KCNH5: variants seen among roughly 807,000 people sequenced by gnomAD.
KCNH5 encodes the protein voltage-gated delayed rectifier potassium channel KCNH5.
Under a neutral mutation model 96.1 loss-of-function variants are expected in KCNH5, and 46 were observed. That is an observed-to-expected ratio of 0.48 (90% CI 0.38 to 0.61). The LOEUF (loss-of-function observed/expected upper bound fraction) is 0.61. Among genes scored for constraint, KCNH5 ranks in the 20% least tolerant of loss-of-function variants. The pLI is 0.00. For synonymous variants in KCNH5, 439 were observed against 449.8 expected, an observed-to-expected ratio of 0.98 and a Z score of 0.30; for missense variants, 907 against 1,225.8, an observed-to-expected ratio of 0.74 and a Z score of 3.88.
intron 1 of KCNH5, among the ~76,000 whole-genome samples, chr14:63,020,548 A>C (rs548722598): frequency 6.6e-6 from 1 of 152,268 alleles, no homozygotes; most frequent in East Asian, 1.9e-4. Context: ...TAAAGTAGGT[A>C]TACTGTTTGA....
rs1884361164 is a variant in KCNH5, at chr14:62,702,340, C to T, written c.*5168G>A. The T allele has an allele frequency of 6.6e-6, 1 of 151,980 alleles. No individual in the cohort carries two copies. The highest frequency in any genetic ancestry group is 1.5e-5 in the Non-Finnish European group (1 of 67,898). The allele number at this position is 151,980 out of a possible 1,614,324, so 9.4% of individuals were successfully genotyped here. ...ACATTTACATTCACATTATCGAGTG[C>T]AATTTTTAAGAATTATTTTAAGAAA... is the stretch of plus-strand genomic sequence containing the variant. On this transcript the variant is annotated 3_prime_UTR_variant, in exon 11 of 11. Transcript: ENST00000322893.
At chr14:62,719,544 C>A (rs532451371) in intron 10 of KCNH5, among the ~76,000 whole-genome samples, 1 of 152,170 alleles carries the variant, frequency 6.6e-6, no homozygotes, top group Non-Finnish European at 1.5e-5. Flanking sequence ...ACCACTCCAG[C>A]GCAGCCACAC....
At chr14:62,960,566 T>G (rs1339726025) in intron 6 of KCNH5, among the ~76,000 whole-genome samples, 35 of 152,148 alleles carry the variant, frequency 2.3e-4, no homozygotes, top group Non-Finnish European at 1.5e-5. Context: ...CACAAAACAG[T>G]AATAAGCTCT....
intron 9 of KCNH5, among the ~76,000 whole-genome samples, chr14:62,791,745 C>G (rs932658029): frequency 6.6e-6 from 1 of 151,546 alleles, no homozygotes. Flanking sequence ...TATATATGTA[C>G]CCAACATTGG....
At chr14:62,749,376 G>C (rs1885447399) in intron 10 of KCNH5, among the ~76,000 whole-genome samples, 1 of 152,168 alleles carries the variant, frequency 6.6e-6, no homozygotes, top group Non-Finnish European at 1.5e-5. Flanking sequence ...AGACCCACCT[G>C]TTTATTCCCA....
At chr14:62,935,615 T>C (rs536873857) in intron 7 of KCNH5, among the ~76,000 whole-genome samples, 2 of 152,274 alleles carry the variant, frequency 1.3e-5, no homozygotes, top group South Asian at 4.1e-4. Flanking sequence ...CCTTAGCTCC[T>C]TCCCACCCCT....
At chr14:63,020,093 T>A (rs1434033627) in intron 1 of KCNH5, among the ~76,000 whole-genome samples, 4 of 152,064 alleles carry the variant, frequency 2.6e-5, no homozygotes, top group African/African-American at 9.7e-5. Flanking sequence ...TCATCATGCA[T>A]CAGGAAACAT....
chr14:62,989,551 A>G (rs543431267), intron 4 of KCNH5, among the ~76,000 whole-genome samples: 1 of 152,184 alleles, frequency 6.6e-6, no homozygotes, highest in South Asian at 2.1e-4. Flanking sequence ...CTGCAGACTC[A>G]GTAAAAGCAT....
chr14:63,030,526 G>C (rs1891605523), intron 1 of KCNH5, among the ~76,000 whole-genome samples: 1 of 152,178 alleles, frequency 6.6e-6, no homozygotes, highest in Admixed American at 6.6e-5. Context: ...ATTATTACCA[G>C]TGTTTCTCAA....
chr14:62,821,653 G>A (rs145323057), intron 8 of KCNH5, among the ~76,000 whole-genome samples: 2 of 152,110 alleles, frequency 1.3e-5, no homozygotes, highest in East Asian at 3.9e-4. Context: ...ACCTTGACAT[G>A]TCAGTAATAT....
At chr14:63,016,578 T>C (rs1430989264) in intron 2 of KCNH5, among the ~76,000 whole-genome samples, 2 of 152,094 alleles carry the variant, frequency 1.3e-5, no homozygotes, top group African/African-American at 2.4e-5. Context: ...TGGCTCATGG[T>C]AGGTCATCAA....
chr14:62,922,935 T>C (rs1351821035), intron 7 of KCNH5, among the ~76,000 whole-genome samples: 1 of 151,876 alleles, frequency 6.6e-6, no homozygotes, highest in African/African-American at 2.4e-5. Flanking sequence ...CCTGAAGTCT[T>C]AGAGCAATTA....
intron 7 of KCNH5, among the ~76,000 whole-genome samples, chr14:62,926,041 G>A (rs572499947): frequency 1.3e-5 from 2 of 152,172 alleles, no homozygotes; most frequent in African/African-American, 4.8e-5. Context: ...TTGTACGAAT[G>A]CTTCATATAT....
At chr14:62,754,137 T>G (rs987088618) in intron 10 of KCNH5, among the ~76,000 whole-genome samples, 3 of 152,298 alleles carry the variant, frequency 2.0e-5, no homozygotes, top group African/African-American at 7.2e-5. Flanking sequence ...TTAGTTCTCT[T>G]TGGCTTATCT....
At chr14:62,798,363 T>G (rs911735299) in intron 9 of KCNH5, among the ~76,000 whole-genome samples, 4 of 152,204 alleles carry the variant, frequency 2.6e-5, no homozygotes, top group Non-Finnish European at 4.4e-5. Flanking sequence ...ATGTCATTTT[T>G]ATAACCTCAG....
At chr14:62,781,122 A>C (rs1886202728) in intron 9 of KCNH5, among the ~76,000 whole-genome samples, 1 of 152,204 alleles carries the variant, frequency 6.6e-6, no homozygotes, top group African/African-American at 2.4e-5. Context: ...AGAGTACAAA[A>C]GAAATTTTAA....
chr14:62,961,934 C>G (rs532143967), intron 6 of KCNH5, among the ~76,000 whole-genome samples: 2 of 142,178 alleles, frequency 1.4e-5, no homozygotes, highest in Non-Finnish European at 3.0e-5. Context: ...GATGGAGATG[C>G]AGATGGAGAT....
intron 6 of KCNH5, among the ~76,000 whole-genome samples, chr14:62,978,554 T>A (rs1266620589): frequency 6.8e-6 from 1 of 146,858 alleles, no homozygotes; most frequent in Admixed American, 6.9e-5. Flanking sequence ...GCCCCTGCAC[T>A]CCTGCTTGAG....
chr14:62,875,869 C>T (rs1033721631), intron 7 of KCNH5, among the ~76,000 whole-genome samples: 1 of 151,754 alleles, frequency 6.6e-6, no homozygotes, highest in Non-Finnish European at 1.5e-5. Flanking sequence ...GGTTTTATTG[C>T]CTTCCTTTAA....
Sources: gnomAD v4.1 joint callset for allele counts (sites outside exome capture counted in the v4.1 genomes callset) on GRCh38, gnomAD v4.1.1 for gene constraint, MANE v1.5 for transcripts, NCBI Gene and HGNC (gene_info 2026-07-23, HGNC 2026-07-21) for gene names.